Variants in BARD1 observed in about 807,000 individuals in gnomAD.
The protein encoded by BARD1 is BRCA1 associated RING domain 1.
In BARD1, 73 loss-of-function variants were observed where a neutral mutation model predicts 77.0. That is an observed-to-expected ratio of 0.95 (90% CI 0.79 to 1.15). The LOEUF (loss-of-function observed/expected upper bound fraction) is 1.15. BARD1 is among the 50% of genes most tolerant of loss of function. BARD1 has a pLI of 0.00. For synonymous variants in BARD1, 384 were observed against 338.0 expected (o/e 1.14, Z -1.49); for missense variants, 993 against 938.8 (o/e 1.06, Z -0.75).
intron 3 of BARD1, among the ~76,000 whole-genome samples, chr2:214,785,577 A>G (rs1045164564): frequency 2.0e-5 from 3 of 152,004 alleles, no homozygotes; most frequent in Admixed American, 2.0e-4. Context: ...AAACTTGAAA[A>G]TAATTTAGTC....
chr2:214,778,304 T>C (rs1180748453), intron 4 of BARD1, among the ~76,000 whole-genome samples: 1 of 150,194 alleles, frequency 6.7e-6, no homozygotes, highest in African/African-American at 2.5e-5. Flanking sequence ...GCGAGAGGCA[T>C]ACATTCAACT....
chr2:214,782,600 G>GA lies in BARD1; in HGVS notation c.365-1092dup, dbSNP rs577317277. ...AAAGATTCAGCAGAGTTTTTAAAAAGAAAAAAAATTGTCTCTATGTACACA... is the reference window on the plus strand; with the variant it reads ...AAAGATTCAGCAGAGTTTTTAAAAAGAAAAAAAAATTGTCTCTATGTACACA... On this transcript the variant is annotated intron_variant, in intron 3 of 10. Transcript: ENST00000260947. 2.3e-3 allele frequency among the ~76,000 whole-genome samples: 350 copies of GA among 151,828 alleles called. 2 individuals are homozygous for GA. Among genetic ancestry groups the GA allele is most frequent in the African/African-American group, 8.1e-3 (337 of 41,460 alleles).
intron 7 of BARD1, among the ~76,000 whole-genome samples, chr2:214,747,008 A>T (rs1456530334): frequency 1.3e-5 from 2 of 152,168 alleles, no homozygotes; most frequent in Non-Finnish European, 2.9e-5. Context: ...CAAATTTACA[A>T]GAAAAAAACA....
In BARD1 at chr2:214,809,671, T is replaced by G; in HGVS notation, c.-102A>C. The G allele has an allele frequency of 4.2e-6, 6 of 1,441,680 alleles. No homozygotes were observed. In the South Asian group the frequency reaches 6.2e-5, roughly 15 times the overall value. 89.3% of individuals were successfully genotyped at this position (1,441,680 alleles called of 1,614,324 possible). A position where few individuals can be genotyped will look rare whatever the true frequency, so the allele number is the denominator to read the frequency against. On this transcript the variant is annotated 5_prime_UTR_variant, in exon 1 of 11. Transcript: ENST00000260947. ...GCCAGCGACTCGAAACCGGCCAAGC[T>G]CTTCCCGCGTCTGGGACGGCGGGCC...
rs748867360 is a variant in BARD1 at position 214,767,555 on chromosome 2, G to T, written c.1495C>A (p.His499Asn). The change falls in exon 6 of 11, where the codon CAC becomes AAC. Residue 499 changes from histidine to asparagine, a missense_variant. Transcript: ENST00000260947. ...ACATGCCCATTCTTGGCTGCATCGT[G>T]AAGTGGTGAGTCATTTTGATACCCG... ...TTGYQNDSPLHDAAKNGHVDI... is the reference protein window; with the variant it reads ...TTGYQNDSPLNDAAKNGHVDI... 7 of 1,614,050 alleles carry T rather than the reference G, an allele frequency of 4.3e-6. No individual in the cohort carries two copies. Among genetic ancestry groups the T allele is most frequent in the East Asian group, 2.2e-5 (1 of 44,878 alleles).
intron 1 of BARD1, among the ~76,000 whole-genome samples, chr2:214,804,274 A>T (rs1007381113): frequency 2.6e-5 from 4 of 152,240 alleles, no homozygotes; most frequent in Admixed American, 1.3e-4. Flanking sequence ...ATGTAAATTA[A>T]CTAGATCTTC....
rs145400640 is a variant in BARD1 at position 214,803,864 on chromosome 2, T to A, written c.158+5548A>T. On this transcript the variant is annotated intron_variant, in intron 1 of 10. Coordinates refer to ENST00000260947, the MANE Select transcript of BARD1 (RefSeq NM_000465.4). ...AACCCACCCCTTCAGATCAGTGCTGTCAGAGGATAACTTAGGGAAGAATTA... is the reference window on the plus strand; with the variant it reads ...AACCCACCCCTTCAGATCAGTGCTGACAGAGGATAACTTAGGGAAGAATTA... Among the ~76,000 whole-genome samples the A allele has an allele frequency of 4.2e-4, 64 of 152,344 alleles. No homozygotes were observed. The East Asian group carries it at 0.011, about 27-fold the overall frequency.
At chr2:214,788,465 CTTT>C (rs908490137) in intron 3 of BARD1, among the ~76,000 whole-genome samples, 2 of 151,996 alleles carry the variant, frequency 1.3e-5, no homozygotes, top group Admixed American at 1.3e-4. Flanking sequence ...AATTAGGCTT[CTTT>C]ATCTCCAGTA....
chr2:214,736,946 C>A (rs1692592873), intron 9 of BARD1, among the ~76,000 whole-genome samples: 1 of 152,104 alleles, frequency 6.6e-6, no homozygotes, highest in Admixed American at 6.6e-5. Context: ...CTAAGACTAA[C>A]TAAGGAAGAA....
intron 1 of BARD1, among the ~76,000 whole-genome samples, chr2:214,804,959 G>A (rs562720770): frequency 1.3e-5 from 2 of 152,236 alleles, no homozygotes; most frequent in East Asian, 1.9e-4. Flanking sequence ...TCAGGAGTTC[G>A]AGACCAGCCT....
intron 9 of BARD1, among the ~76,000 whole-genome samples, chr2:214,739,653 G>A (rs968754988): frequency 4.0e-5 from 6 of 151,842 alleles, no homozygotes; most frequent in African/African-American, 1.2e-4. Context: ...CTTCCATAGC[G>A]AAAAGTGAAA....
chr2:214,775,705 C>G (rs938947853), intron 4 of BARD1, among the ~76,000 whole-genome samples: 1 of 152,130 alleles, frequency 6.6e-6, no homozygotes, highest in Non-Finnish European at 1.5e-5. Flanking sequence ...TGAGGTATGC[C>G]TGTAATTTAA....
At chr2:214,772,398 A>T (rs963442418) in intron 4 of BARD1, among the ~76,000 whole-genome samples, 1 of 152,132 alleles carries the variant, frequency 6.6e-6, no homozygotes, top group African/African-American at 2.4e-5. Context: ...GAAAGTACTC[A>T]CACACAAAAA....
In BARD1 at chr2:214,728,784, C is replaced by G. The variant is rs1064793606; in HGVS notation, c.2226G>C (p.Leu742Phe). The G allele has an allele frequency of 2.5e-6, 4 of 1,614,174 alleles. No individual in the cohort carries two copies. The highest frequency in any genetic ancestry group is 8.5e-7 in the Non-Finnish European group (1 of 1,180,024). Residue 742 changes from leucine (L) to phenylalanine (F), a missense_variant, in exon 11 of 11, where the codon TTG (leucine) becomes TTC (phenylalanine). Coordinates refer to ENST00000260947, the MANE Select transcript of BARD1 (RefSeq NM_000465.4). ...FCTQYIIYED[L>F]CNYHPERVRQ... ...GAACCCTCTCTGGGTGATAATTACA[C>G]AAATCTTCATAGATGATATACTGTG...
intron 1 of BARD1, among the ~76,000 whole-genome samples, chr2:214,805,508 C>T (rs1033356221): frequency 3.3e-5 from 5 of 152,114 alleles, no homozygotes; most frequent in Non-Finnish European, 2.9e-5. Context: ...AGTCAGAGAA[C>T]CTATCCTTTA....
At chr2:214,783,549 C>A (rs1695136658) in intron 3 of BARD1, among the ~76,000 whole-genome samples, 1 of 152,044 alleles carries the variant, frequency 6.6e-6, no homozygotes, top group South Asian at 2.1e-4. Context: ...ACATCACACA[C>A]CAGGGCCTGT....
chr2:214,726,562 C>A lies in BARD1; in HGVS notation c.*2114G>T. On this transcript the variant is annotated 3_prime_UTR_variant, in exon 11 of 11. Coordinates refer to ENST00000260947, the MANE Select transcript of BARD1 (RefSeq NM_000465.4). ...TAAGCTTTTGTTAGTTAATAGACTT[C>A]CTCACCAAGTCATGTTGAGCCTCAT... 4.4e-6 allele frequency: 1 copy of A among 228,658 alleles called. No individual in the cohort carries two copies. The highest frequency in any genetic ancestry group is 8.7e-6 in the Non-Finnish European group (1 of 115,258). The allele number at this position is 228,658 out of a possible 1,614,324, so 14.2% of individuals were successfully genotyped here.
At chr2:214,804,716 CTGT>C (rs1696187301) in intron 1 of BARD1, among the ~76,000 whole-genome samples, 2 of 152,278 alleles carry the variant, frequency 1.3e-5, no homozygotes, top group South Asian at 4.1e-4. Context: ...ACTGAGTATT[CTGT>C]TGTTAGGCTA....
intron 6 of BARD1, among the ~76,000 whole-genome samples, chr2:214,753,753 G>C (rs1693567402): frequency 6.6e-6 from 1 of 152,102 alleles, no homozygotes; most frequent in African/African-American, 2.4e-5. Flanking sequence ...AGTGGGAAAA[G>C]AAAGCTAATG....
Sources: allele counts gnomAD v4.1 joint callset (sites outside exome capture counted in the v4.1 genomes callset), GRCh38; gene constraint gnomAD v4.1.1; transcripts MANE v1.5; gene names NCBI Gene and HGNC (gene_info 2026-07-23, HGNC 2026-07-21).